Variants in NTSR1 observed in about 807,000 individuals in gnomAD.
NTSR1 encodes neurotensin receptor type 1.
In NTSR1, 29 loss-of-function variants were observed where a neutral mutation model predicts 31.2. The ratio of observed to expected loss-of-function variants is 0.93; its 90% CI spans 0.69 to 1.27. NTSR1 has a LOEUF of 1.27. Among genes scored for constraint, NTSR1 ranks in the 50% most tolerant of loss-of-function variants. NTSR1 has a pLI of 0.00. For synonymous variants in NTSR1, 282 were observed against 269.9 expected (o/e 1.04, Z -0.44); for missense variants, 697 against 595.4 (o/e 1.17, Z -1.78).
chr20:62,759,961 T>G, intron 3 of NTSR1, 57 bp from the exon 4 acceptor site: 1 of 1,582,258 alleles, frequency 6.3e-7, no homozygotes, highest in African/African-American at 1.3e-5. Context: ...GCTGTCACCC[T>G]GCCTTGGGGC....
intron 1 of NTSR1, among the ~76,000 whole-genome samples, chr20:62,734,923 G>T (rs1422544810): frequency 6.6e-6 from 1 of 152,202 alleles, no homozygotes; most frequent in African/African-American, 2.4e-5. Context: ...GGACTGTGCT[G>T]CCCGAGCCCC....
chr20:62,709,621 C>T lies in NTSR1; in HGVS notation c.414C>T (p.Asp138=), dbSNP rs748885534. The T allele has an allele frequency of 3.7e-6, 6 of 1,611,824 alleles. No homozygotes were observed. The Admixed American group carries it at 8.3e-5, about 22-fold the overall frequency. Residue 138 remains aspartate, a synonymous_variant, in exon 1 of 4, where the codon GAC becomes GAT. Transcript: ENST00000370501. ...TGCACCACCCCTGGGCCTTCGGCGA[C>T]GCCGGCTGCCGCGGCTACTACTTCC... ...IWVHHPWAFG[D]AGCRGYYFLR...
chr20:62,747,030 AG>A (rs1243142735), intron 1 of NTSR1, among the ~76,000 whole-genome samples: 15 of 152,392 alleles, frequency 9.8e-5, no homozygotes, highest in African/African-American at 3.1e-4. Context: ...GCATGTTGAA[AG>A]GCTCATCCAC....
At chr20:62,729,769 C>T (rs886154644) in intron 1 of NTSR1, among the ~76,000 whole-genome samples, 1 of 151,780 alleles carries the variant, frequency 6.6e-6, no homozygotes, top group African/African-American at 2.4e-5. Flanking sequence ...TTACAGGAGC[C>T]CGCCACCTCC....
At chr20:62,727,901 C>T (rs931148550) in intron 1 of NTSR1, among the ~76,000 whole-genome samples, 5 of 152,256 alleles carry the variant, frequency 3.3e-5, no homozygotes, top group Non-Finnish European at 7.3e-5. Flanking sequence ...GTTCCCGGCG[C>T]TCCCGGCGTG....
intron 1 of NTSR1, among the ~76,000 whole-genome samples, chr20:62,721,379 T>A (rs541380681): frequency 6.6e-6 from 1 of 152,340 alleles, no homozygotes; most frequent in African/African-American, 2.4e-5. Context: ...TTTCCATGGT[T>A]CTTTTTCTGT....
rs1989202127 is a variant in NTSR1 at position 62,741,291 on chromosome 20, C to T, written c.715-13394C>T. ...CCAGGGGCTTCTGTTCTGCCAAGTC[C>T]CCACTCAGACAATGGCCTCTATAGC... is the stretch of plus-strand genomic sequence containing the variant. On this transcript the variant is annotated intron_variant, in intron 1 of 3. Coordinates refer to ENST00000370501, the MANE Select transcript of NTSR1 (RefSeq NM_002531.3). This position sits in a 1 kb window ranked among gnomAD's most constrained non-coding sequence, Gnocchi z 4.3. 7.3e-6 allele frequency among the ~76,000 whole-genome samples: 1 copy of T among 136,166 alleles called. No individual in the cohort carries two copies. The highest frequency in any genetic ancestry group is 1.5e-5 in the Non-Finnish European group (1 of 67,588). The allele number at this position is 136,166 out of a possible 152,430, so 89.3% of individuals were successfully genotyped here. A position where few individuals can be genotyped will look rare whatever the true frequency, so the allele number is the denominator to read the frequency against.
At position 62,711,218 on chromosome 20, in the gene NTSR1, A is replaced by T. The variant is rs375562569; in HGVS notation, c.714+1297A>T. Among the ~76,000 whole-genome samples, 1 of 151,996 alleles carries T rather than the reference A, an allele frequency of 6.6e-6. No homozygotes were observed. Among genetic ancestry groups the T allele is most frequent in the Non-Finnish European group, 1.5e-5 (1 of 67,978 alleles). ...TAGAACTGGTGGCTACAGGTGTCCC[A>T]TCTCGGGGAGGCCCCTCCCACAGAC... On this transcript the variant is annotated intron_variant, in intron 1 of 3. Coordinates refer to ENST00000370501, the MANE Select transcript of NTSR1 (RefSeq NM_002531.3). The surrounding 1 kb of genome is among the most constrained non-coding windows in gnomAD (Gnocchi z 6.4).
rs557594429 is a variant in NTSR1, at chr20:62,711,020, T to A, written c.714+1099T>A. ...TCCCAGCTAAGCTTCTGTAGTTGCC[T>A]GGGCACCCCGCGTATGCCAGTATGC... On this transcript the variant is annotated intron_variant, in intron 1 of 3. Coordinates refer to ENST00000370501, the MANE Select transcript of NTSR1 (RefSeq NM_002531.3). The surrounding 1 kb of genome is among the most constrained non-coding windows in gnomAD (Gnocchi z 6.4). Among the ~76,000 whole-genome samples the A allele has an allele frequency of 1.3e-5, 2 of 152,286 alleles. No individual in the cohort carries two copies. Among genetic ancestry groups the A allele is most frequent in the Admixed American group, 1.3e-4 (2 of 15,304 alleles).
chr20:62,729,920 G>A (rs1185881382), intron 1 of NTSR1, among the ~76,000 whole-genome samples: 2 of 152,092 alleles, frequency 1.3e-5, no homozygotes, highest in Admixed American at 6.5e-5. Context: ...ACCATGCCTG[G>A]CCATCTAAAT....
chr20:62,730,585 T>G (rs1001410845), intron 1 of NTSR1, among the ~76,000 whole-genome samples: 1 of 152,212 alleles, frequency 6.6e-6, no homozygotes, highest in Admixed American at 6.5e-5. Flanking sequence ...TTCACCCCTT[T>G]GGGAGTAGAA....
At position 62,743,993 on chromosome 20, in the gene NTSR1, C is replaced by A. The variant is rs1302167964; in HGVS notation, c.715-10692C>A. Among the ~76,000 whole-genome samples, 1 of 152,172 alleles carries A rather than the reference C, an allele frequency of 6.6e-6. No individual in the cohort carries two copies. Reference sequence around the variant, plus strand: ...AACCACCCAGAGGCTGCGCCCCGGTCCAGATCCCCCTAACACACCTGCTGT... The same window carrying A: ...AACCACCCAGAGGCTGCGCCCCGGTACAGATCCCCCTAACACACCTGCTGT... On this transcript the variant is annotated intron_variant, in intron 1 of 3. Transcript: ENST00000370501. The surrounding 1 kb of genome is among the most constrained non-coding windows in gnomAD (Gnocchi z 7.5).
chr20:62,712,363 C>T (rs1027842572), intron 1 of NTSR1, among the ~76,000 whole-genome samples: 1 of 152,218 alleles, frequency 6.6e-6, no homozygotes, highest in Admixed American at 6.5e-5. Flanking sequence ...GGGCAGTGGC[C>T]AATCAAATGG....
rs1003206823 is a variant in NTSR1 at position 62,711,996 on chromosome 20, AT to A, written c.714+2080del. ...GGCACCCTTGGAGAACGTAGTTTCC[AT>A]TTTTCTTTAAAGGGCTCAGCTGCGT... is the stretch of plus-strand genomic sequence containing the variant. On this transcript the variant is annotated intron_variant, in intron 1 of 3. Transcript: ENST00000370501. This position sits in a 1 kb window ranked among gnomAD's most constrained non-coding sequence, Gnocchi z 6.4. Among the ~76,000 whole-genome samples, 1 of 152,120 alleles carries A rather than the reference AT, an allele frequency of 6.6e-6. No homozygotes were observed. The highest frequency in any genetic ancestry group is 2.4e-5 in the African/African-American group (1 of 41,410).
intron 1 of NTSR1, among the ~76,000 whole-genome samples, chr20:62,747,310 C>T (rs979100238): frequency 2.1e-5 from 3 of 144,892 alleles, no homozygotes; most frequent in Non-Finnish European, 4.5e-5. Flanking sequence ...GTATGACAGA[C>T]CCACAGCTAA....
rs1036417981 is a variant in NTSR1, at chr20:62,711,739, C to T, written c.714+1818C>T. Among the ~76,000 whole-genome samples the T allele has an allele frequency of 4.6e-5, 7 of 152,224 alleles. No individual in the cohort carries two copies. Among genetic ancestry groups the T allele is most frequent in the Non-Finnish European group, 1.0e-4 (7 of 68,040 alleles). ...CGCCCCCCGGAAAGTGTCCTCCCCG[C>T]GTGCGTGGGCTCTCTGCCAGGTACT... On this transcript the variant is annotated intron_variant, in intron 1 of 3. Transcript: ENST00000370501. The surrounding 1 kb of genome is among the most constrained non-coding windows in gnomAD (Gnocchi z 6.4).
In NTSR1 at chr20:62,760,192, C is replaced by T; in HGVS notation, c.1182C>T (p.Ala394=). The T allele has an allele frequency of 1.2e-6, 2 of 1,614,012 alleles. No individual in the cohort carries two copies. The highest frequency in any genetic ancestry group is 1.7e-6 in the Non-Finnish European group (2 of 1,180,028). ...PVWRRRRKRP[A]FSRKADSVSS... ...GGCGGCGCAGGAGGAAGAGGCCAGC[C>T]TTCTCGAGGAAGGCCGACAGCGTGT... Residue 394 remains alanine (A), a synonymous_variant, in exon 4 of 4, where the codon GCC becomes GCT. Transcript: ENST00000370501.
Position 62,709,840 on chromosome 20 carries a change from C to T in NTSR1, c.633C>T (p.Asn211=). ...VPMLFTMGEQ[N]RSADGQHAGG... ...TGCTGTTCACCATGGGCGAGCAGAA[C>T]CGCAGCGCCGACGGCCAGCACGCCG... Residue 211 remains asparagine, a synonymous_variant, in exon 1 of 4, where the codon AAC becomes AAT. Transcript: ENST00000370501. The T allele has an allele frequency of 6.2e-7, 1 of 1,610,408 alleles. No individual in the cohort carries two copies.
intron 2 of NTSR1, among the ~76,000 whole-genome samples, chr20:62,755,098 ATCCATCCATCCTTCCC>A (rs1989462641): frequency 7.5e-6 from 1 of 132,770 alleles, no homozygotes; most frequent in African/African-American, 2.9e-5. Context: ...CCCTCCCTCC[ATCCATCCATCCTTCCC>A]TCCCTCCCTC....
Sources: gnomAD v4.1 joint callset for allele counts (sites outside exome capture counted in the v4.1 genomes callset) on GRCh38, gnomAD v4.1.1 for gene constraint, Gnocchi (gnomAD v3.1) non-coding constraint, MANE v1.5 for transcripts, NCBI Gene and HGNC (gene_info 2026-07-23, HGNC 2026-07-21) for gene names.